EPB41L3: variants seen among roughly 807,000 people sequenced by gnomAD.
EPB41L3 encodes the protein erythrocyte membrane protein band 4.1 like 3.
EPB41L3 carries 57 observed loss-of-function variants against 127.1 expected under a neutral mutation model. The ratio of observed to expected loss-of-function variants is 0.45; its 90% CI spans 0.36 to 0.56. EPB41L3 has a LOEUF of 0.56. Ranked by LOEUF, EPB41L3 falls within the 20% of genes least tolerant of loss-of-function variation. EPB41L3 has a pLI of 0.00. For missense variants in EPB41L3, 1,273 were observed against 1,372.2 expected, an observed-to-expected ratio of 0.93 and a Z score of 1.14; for synonymous variants, 572 against 549.5, an observed-to-expected ratio of 1.04 and a Z score of -0.57.
intron 1 of EPB41L3, among the ~76,000 whole-genome samples, chr18:5,535,144 C>G (rs941938525): frequency 6.6e-6 from 1 of 152,114 alleles, no homozygotes; most frequent in Non-Finnish European, 1.5e-5. Flanking sequence ...TTCTGAGAAT[C>G]TGATGATGTG....
At chr18:5,521,359 G>C (rs768658064) in intron 1 of EPB41L3, 1 of 152,172 alleles carries the variant, frequency 6.6e-6, no homozygotes, top group Non-Finnish European at 1.5e-5. Context: ...TACAGTTCAG[G>C]TCCAGAGTAG....
chr18:5,485,695 T>A (rs977618302), intron 2 of EPB41L3, among the ~76,000 whole-genome samples: 6 of 152,068 alleles, frequency 3.9e-5, no homozygotes, highest in African/African-American at 1.4e-4. Context: ...AATTTGTCAA[T>A]GGTAAACTAT....
At chr18:5,507,463 T>A (rs1005142035) in intron 1 of EPB41L3, among the ~76,000 whole-genome samples, 2 of 145,434 alleles carry the variant, frequency 1.4e-5, no homozygotes, top group African/African-American at 2.6e-5. Flanking sequence ...ACCAATCTCC[T>A]ACAAAAGTGA....
At chr18:5,503,474 A>G (rs1425625151) in intron 1 of EPB41L3, among the ~76,000 whole-genome samples, 1 of 152,192 alleles carries the variant, frequency 6.6e-6, no homozygotes, top group Non-Finnish European at 1.5e-5. Flanking sequence ...TCTCTGATGG[A>G]AGGCTCCAGG....
intron 2 of EPB41L3, among the ~76,000 whole-genome samples, chr18:5,613,835 C>T (rs1420598413): frequency 6.6e-6 from 1 of 152,082 alleles, no homozygotes; most frequent in Non-Finnish European, 1.5e-5. Flanking sequence ...AGTTAACCTT[C>T]ATAAAAATAT....
At chr18:5,448,675 G>T (rs1286875746) in intron 3 of EPB41L3, among the ~76,000 whole-genome samples, 2 of 152,090 alleles carry the variant, frequency 1.3e-5, no homozygotes, top group African/African-American at 4.8e-5. Context: ...CTGATATTTT[G>T]GTCTTACAAT....
chr18:5,621,947 T>C lies in EPB41L3; in HGVS notation c.-468+6975A>G, dbSNP rs2094867798. 3.9e-5 allele frequency among the ~76,000 whole-genome samples: 6 copies of C among 152,196 alleles called. No homozygotes were observed. The South Asian group carries it at 1.2e-3, about 31-fold the overall frequency. On this transcript the variant is annotated intron_variant, in intron 1 of 21. Transcript: ENST00000545076. ...ACTTTTTCTGCTTGAATGATACAGA[T>C]ACAGAGGAGGTAGATCAACAAAATA...
At chr18:5,510,817 C>A (rs1003405448) in intron 1 of EPB41L3, among the ~76,000 whole-genome samples, 14 of 152,034 alleles carry the variant, frequency 9.2e-5, no homozygotes, top group African/African-American at 2.9e-4. Flanking sequence ...TTAAAGTATA[C>A]CCCATCACCC....
chr18:5,513,353 A>G (rs934035644), intron 1 of EPB41L3, among the ~76,000 whole-genome samples: 6 of 152,210 alleles, frequency 3.9e-5, no homozygotes, highest in African/African-American at 1.4e-4. Context: ...AAAGCCAGTT[A>G]TGTTTGTGCC....
chr18:5,583,339 A>G (rs1248079874), intron 3 of EPB41L3, among the ~76,000 whole-genome samples: 5 of 152,156 alleles, frequency 3.3e-5, no homozygotes, highest in Non-Finnish European at 7.4e-5. Flanking sequence ...GCTGAGTCCA[A>G]ATTTTAATCC....
At chr18:5,622,773 T>C (rs1236829264) in intron 1 of EPB41L3, among the ~76,000 whole-genome samples, 1 of 152,160 alleles carries the variant, frequency 6.6e-6, no homozygotes, top group Non-Finnish European at 1.5e-5. Context: ...TCTCCTTCTT[T>C]AGCTCTGCAG....
intron 20 of EPB41L3, 52 bp from the exon 21 acceptor site, chr18:5,395,199 C>T (rs767310973): frequency 1.3e-6 from 2 of 1,506,526 alleles, no homozygotes; most frequent in South Asian, 2.3e-5. Context: ...GAGAAACCAT[C>T]ATGGTTCAGT....
intron 15 of EPB41L3, 166 bp from the exon 16 acceptor site, chr18:5,407,134 A>AT (rs1277267340): frequency 9.8e-6 from 6 of 614,700 alleles, no homozygotes; most frequent in Non-Finnish European, 1.7e-5. Flanking sequence ...TGAAAATGTG[A>AT]TTTTCCCATG....
At chr18:5,403,749 T>C (rs2074909455) in intron 16 of EPB41L3, among the ~76,000 whole-genome samples, 1 of 152,150 alleles carries the variant, frequency 6.6e-6, no homozygotes, top group African/African-American at 2.4e-5. Flanking sequence ...TGGAAGTAAC[T>C]GGATTTCTTT....
chr18:5,442,074 T>C (rs1003677409), intron 5 of EPB41L3, among the ~76,000 whole-genome samples: 4 of 152,202 alleles, frequency 2.6e-5, no homozygotes, highest in Non-Finnish European at 4.4e-5. Flanking sequence ...TCAAAGTACT[T>C]TGCAATTATT....
intron 3 of EPB41L3, among the ~76,000 whole-genome samples, chr18:5,475,068 C>T (rs1436996450): frequency 1.3e-5 from 2 of 152,136 alleles, no homozygotes. Context: ...AATAGCTTTC[C>T]TATCCTCCAC....
At position 5,561,131 on chromosome 18, in the gene EPB41L3, C is replaced by T. The variant is rs564517911; in HGVS notation, c.-306+51209G>A. ...TAGCTGGGACTACAGGCGCCCGCCA[C>T]TACGCCCGGCTAATGTCTTGTATTT... On this transcript the variant is annotated intron_variant, in intron 3 of 21. Transcript: ENST00000545076. Among the ~76,000 whole-genome samples the T allele has an allele frequency of 9.5e-4, 142 of 150,188 alleles. 9 individuals carry two copies. In the East Asian group the frequency reaches 0.016, roughly 17 times the overall value.
At chr18:5,418,959 ACT>A (rs1171610404) in intron 12 of EPB41L3, among the ~76,000 whole-genome samples, 1 of 152,014 alleles carries the variant, frequency 6.6e-6, no homozygotes, top group Non-Finnish European at 1.5e-5. Flanking sequence ...GCCAGGAGCC[ACT>A]CTGTTTTTCC....
At chr18:5,444,354 A>G (rs1333184239) in intron 4 of EPB41L3, among the ~76,000 whole-genome samples, 1 of 152,220 alleles carries the variant, frequency 6.6e-6, no homozygotes, top group African/African-American at 2.4e-5. Context: ...GATTTTCCTC[A>G]TTGGTAAAAT....
Sources: allele counts gnomAD v4.1 joint callset (sites outside exome capture counted in the v4.1 genomes callset), GRCh38; gene constraint gnomAD v4.1.1; transcripts MANE v1.5; gene names NCBI Gene and HGNC (gene_info 2026-07-23, HGNC 2026-07-21).